LYRM4: variants seen among roughly 807,000 people sequenced by gnomAD.
LYRM4 encodes the protein LYR motif containing 4, also known as LYR motif-containing protein 4.
In LYRM4, 9 loss-of-function variants were observed where a neutral mutation model predicts 11.7. The ratio of observed to expected loss-of-function variants is 0.77; its 90% CI spans 0.46 to 1.34. The LOEUF (loss-of-function observed/expected upper bound fraction) is 1.34, where lower values mean the gene tolerates loss of function less well. Ranked by LOEUF, LYRM4 falls within the 40% of genes most tolerant of loss-of-function variation. The pLI, the probability that LYRM4 is intolerant of heterozygous loss-of-function variation, is 0.00. For missense variants in LYRM4, 133 were observed against 112.5 expected, an observed-to-expected ratio of 1.18 and a Z score of -0.82; for synonymous variants, 42 against 40.4, an observed-to-expected ratio of 1.04 and a Z score of -0.15.
At chr6:5,249,621 T>C (rs536308027) in intron 1 of LYRM4, among the ~76,000 whole-genome samples, 3 of 152,322 alleles carry the variant, frequency 2.0e-5, no homozygotes, top group Non-Finnish European at 2.9e-5. Context: ...CATTATGTCA[T>C]AACCTTGGCA....
chr6:5,121,309 C>G (rs1763445081), intron 2 of LYRM4, among the ~76,000 whole-genome samples: 2 of 152,166 alleles, frequency 1.3e-5, no homozygotes, highest in Admixed American at 6.6e-5. Flanking sequence ...GGAATATCTT[C>G]CTGTCTTCTA....
At chr6:5,206,252 A>G (rs1761690825) in intron 2 of LYRM4, among the ~76,000 whole-genome samples, 1 of 152,214 alleles carries the variant, frequency 6.6e-6, no homozygotes, top group African/African-American at 2.4e-5. Flanking sequence ...AGATACACTG[A>G]GCAATCCTCT....
At chr6:5,242,003 G>C (rs916018049) in intron 1 of LYRM4, among the ~76,000 whole-genome samples, 2 of 151,506 alleles carry the variant, frequency 1.3e-5, no homozygotes, top group African/African-American at 2.4e-5. Context: ...ACCTTAATCT[G>C]TAAGTGCTTT....
At chr6:5,104,644 A>G (rs528428418), downstream of LYRM4, 1 of 152,300 alleles carries the variant, frequency 6.6e-6, no homozygotes, top group East Asian at 1.9e-4. Flanking sequence ...CCCTTTCTCT[A>G]CTTTGAAGAA....
chr6:5,115,363 C>T (rs1315876976), intron 2 of LYRM4, among the ~76,000 whole-genome samples: 11 of 152,186 alleles, frequency 7.2e-5, no homozygotes, highest in Admixed American at 5.2e-4. Context: ...CTTATCATGC[C>T]GCAGAACAAA....
chr6:5,196,574 A>G lies in LYRM4; in HGVS notation c.207+20044T>C, dbSNP rs1219950556. On this transcript the variant is annotated intron_variant, in intron 2 of 2. Coordinates refer to ENST00000330636, the MANE Select transcript of LYRM4 (RefSeq NM_020408.6). ...TCCTCCTAAGAGTGCTCACTGTCCG[A>G]CCATCCAGATGCCTCTCCTCAGAGG... Among the ~76,000 whole-genome samples, 4 of 152,324 alleles carry G rather than the reference A, an allele frequency of 2.6e-5. No homozygotes were observed. The East Asian group carries it at 7.7e-4, about 29-fold the overall frequency.
At chr6:5,039,006 G>A in the LYRM4 span, among the ~76,000 whole-genome samples, 3 of 151,964 alleles carry the variant, frequency 2.0e-5, no homozygotes, top group Non-Finnish European at 4.4e-5. Context: ...CCTGGTTTAT[G>A]GGTAGTTTAC....
chr6:5,226,544 C>T (rs1762904201), intron 1 of LYRM4, among the ~76,000 whole-genome samples: 1 of 152,054 alleles, frequency 6.6e-6, no homozygotes, highest in South Asian at 2.1e-4. Flanking sequence ...GCCACCATGC[C>T]CGGCTAATTT....
intron 2 of LYRM4, among the ~76,000 whole-genome samples, chr6:5,155,822 G>C (rs1758379921): frequency 6.6e-6 from 1 of 152,154 alleles, no homozygotes; most frequent in Non-Finnish European, 1.5e-5. Context: ...AAAAGCAAAG[G>C]TCTCTGGTAT....
At chr6:5,178,735 G>T (rs1047659218) in intron 2 of LYRM4, among the ~76,000 whole-genome samples, 1 of 148,302 alleles carries the variant, frequency 6.7e-6, no homozygotes, top group African/African-American at 2.5e-5. Flanking sequence ...AACCCGGGAG[G>T]CGGAGGTGGC....
At chr6:5,041,034 C>T in the LYRM4 span, among the ~76,000 whole-genome samples, 1 of 152,092 alleles carries the variant, frequency 6.6e-6, no homozygotes, top group Admixed American at 6.6e-5. Context: ...ATGGTGGTGG[C>T]CCGTGCCTGT....
the LYRM4 span, chr6:5,086,065 C>G: frequency 6.8e-7 from 1 of 1,474,302 alleles, no homozygotes; most frequent in Non-Finnish European, 8.9e-7. Flanking sequence ...TTCAGCGCCG[C>G]CTTCCCGGCT....
At chr6:5,203,526 T>G (rs1761512518) in intron 2 of LYRM4, among the ~76,000 whole-genome samples, 1 of 152,218 alleles carries the variant, frequency 6.6e-6, no homozygotes, top group South Asian at 2.1e-4. Context: ...TGCCTAGCAG[T>G]CTGCAATGTG....
chr6:5,260,569 G>T, intron 1 of LYRM4, 79 bp downstream of exon 1: 1 of 1,512,292 alleles, frequency 6.6e-7, no homozygotes. Flanking sequence ...CAGTCCCCGG[G>T]GATATTCCGC....
intron 1 of LYRM4, among the ~76,000 whole-genome samples, chr6:5,231,059 T>G (rs1333478313): frequency 6.6e-6 from 1 of 152,122 alleles, no homozygotes; most frequent in East Asian, 1.9e-4. Context: ...GATGGATCAT[T>G]TGAGGTTAGG....
At chr6:5,040,777 C>G in the LYRM4 span, among the ~76,000 whole-genome samples, 1 of 152,004 alleles carries the variant, frequency 6.6e-6, no homozygotes, top group Non-Finnish European at 1.5e-5. Flanking sequence ...TGTACACCTA[C>G]TACGTATCAG....
Position 5,233,012 on chromosome 6 carries a change from T to A in LYRM4, c.87-16274A>T, listed in dbSNP as rs190632860. 5.9e-5 allele frequency among the ~76,000 whole-genome samples: 9 copies of A among 152,362 alleles called. No homozygotes were observed. The East Asian group carries it at 1.7e-3, about 29-fold the overall frequency. The stretch of plus-strand genomic sequence containing the variant: ...ATTAAAGGCCACAATAGTGTGATAC[T>A]CTGTATTTATCACAATACTTAAGAG... On this transcript the variant is annotated intron_variant, in intron 1 of 2. Coordinates refer to ENST00000330636, the MANE Select transcript of LYRM4 (RefSeq NM_020408.6).
intron 2 of LYRM4, among the ~76,000 whole-genome samples, chr6:5,161,765 C>G (rs769676335): frequency 1.3e-5 from 2 of 152,164 alleles, no homozygotes; most frequent in Admixed American, 6.5e-5. Context: ...GCGTTACGCT[C>G]ATGAACTCCT....
At chr6:5,097,400 G>A in the LYRM4 span, among the ~76,000 whole-genome samples, 1 of 152,270 alleles carries the variant, frequency 6.6e-6, no homozygotes, top group African/African-American at 2.4e-5. Flanking sequence ...CTGGAGTGCA[G>A]TGGCACGATT....
Sources: allele counts gnomAD v4.1 joint callset (sites outside exome capture counted in the v4.1 genomes callset), GRCh38; gene constraint gnomAD v4.1.1; transcripts MANE v1.5; gene names NCBI Gene and HGNC (gene_info 2026-07-23, HGNC 2026-07-21).